The following STK26 variants were observed in gnomAD, a reference collection of about 807,000 sequenced individuals.
The protein encoded by STK26 is serine/threonine kinase 26, also known as serine/threonine-protein kinase 26.
A neutral mutation model predicts 34.7 loss-of-function variants in STK26; 14 were observed. The observed-to-expected ratio is 0.40, with a 90% CI of 0.27 to 0.63. The LOEUF (loss-of-function observed/expected upper bound fraction) is 0.63. Ranked by LOEUF, STK26 falls within the 30% of genes least tolerant of loss-of-function variation. STK26 has a pLI of 0.38. For missense variants in STK26, 226 were observed against 309.1 expected (o/e 0.73, Z 2.02); for synonymous variants, 100 against 109.8 (o/e 0.91, Z 0.56).
chrX:132,037,809 A>C (rs1312638048), intron 2 of STK26, among the ~76,000 whole-genome samples: 1 of 70,946 alleles, frequency 1.4e-5, no homozygotes, highest in South Asian at 6.1e-4. Context: ...TTATCTCTTC[A>C]TGAAAAATGG....
chrX:132,072,411 T>G (rs1269822513), intron 9 of STK26, 50 bp downstream of exon 9: 2 of 1,026,233 alleles, frequency 1.9e-6, no homozygotes, highest in Admixed American at 2.3e-5. Flanking sequence ...TTTCAAACCA[T>G]GTAGTGAGAT....
At position 132,054,721 on chromosome X, in the gene STK26, C is replaced by T. The variant is rs56044451; in HGVS notation, c.133C>T (p.Arg45Cys). 5.5e-3 allele frequency: 6,617 copies of T among 1,209,396 alleles called. 14 individuals are homozygous for T. Among genetic ancestry groups the T allele is most frequent in the Middle Eastern group, 0.016 (69 of 4,353 alleles). Residue 45 changes from arginine to cysteine, a missense_variant, in exon 3 of 12, where the codon CGT (arginine) becomes TGT (cysteine). Arg to Cys is a radical substitution (Grantham distance 180). Coordinates refer to ENST00000394334, the MANE Select transcript of STK26 (RefSeq NM_016542.4). ...GGAAGTTTTCAAAGGAATTGATAAC[C>T]GTACCCAGCAAGTCGTTGCTATTAA... ...FGEVFKGIDN[R>C]TQQVVAIKII...
intron 2 of STK26, among the ~76,000 whole-genome samples, chrX:132,042,441 G>A (rs1010109096): frequency 4.5e-5 from 5 of 110,856 alleles, no homozygotes; most frequent in Non-Finnish European, 9.5e-5. Context: ...GTATCGTGGT[G>A]TACAGTATGG....
chrX:132,054,163 G>A (rs1367197888), intron 2 of STK26, among the ~76,000 whole-genome samples: 1 of 112,107 alleles, frequency 8.9e-6, no homozygotes, highest in African/African-American at 3.2e-5. Flanking sequence ...TTTAGATGGC[G>A]GTTTGGAAGT....
At position 132,034,399 on chromosome X, in the gene STK26, C is replaced by T. The variant is rs543097245; in HGVS notation, c.42+10740C>T. ...TCGGCTCACTGCAAGCTCCGCCTCC[C>T]GGGTTCACGCCATTCTCCTGCCTCA... is the stretch of plus-strand genomic sequence containing the variant. On this transcript the variant is annotated intron_variant, in intron 2 of 11. Transcript: ENST00000394334. Among the ~76,000 whole-genome samples the T allele has an allele frequency of 4.7e-4, 48 of 101,716 alleles. 1 individual carries two copies. In the South Asian group the frequency reaches 0.022, roughly 47 times the overall value. 88.3% of individuals were successfully genotyped at this position (101,716 alleles called of 115,157 possible).
At chrX:132,053,043 A>G (rs1239829805) in intron 2 of STK26, among the ~76,000 whole-genome samples, 2 of 111,888 alleles carry the variant, frequency 1.8e-5, no homozygotes, top group Non-Finnish European at 3.8e-5. Context: ...GTAAAAGAGG[A>G]CACCAAGGAA....
chrX:132,024,892 C>T (rs1602737025), intron 2 of STK26, among the ~76,000 whole-genome samples: 1 of 107,386 alleles, frequency 9.3e-6, no homozygotes, highest in Non-Finnish European at 1.9e-5. Flanking sequence ...GCATTTAGGG[C>T]AAGTCTGGGT....
intron 7 of STK26, among the ~76,000 whole-genome samples, chrX:132,070,801 T>C (rs5933060): frequency 0.33 from 37,325 of 112,011 alleles, 4,876 homozygotes; most frequent in African/African-American, 0.44. Flanking sequence ...GAGAAGGCCC[T>C]GCCTGCCAGT....
In STK26 at chrX:132,068,488, A is replaced by T; in HGVS notation, c.516A>T (p.Thr172=). The T allele has an allele frequency of 1.7e-6, 2 of 1,211,005 alleles. No individual in the cohort carries two copies. The highest frequency in any genetic ancestry group is 2.2e-6 in the Non-Finnish European group (2 of 895,080). Residue 172 remains threonine, a synonymous_variant, in exon 6 of 12, where the codon ACA becomes ACT. Coordinates refer to ENST00000394334, the MANE Select transcript of STK26 (RefSeq NM_016542.4). ...GAGTTGCTGGTCAGCTGACAGATAC[A>T]CAGATTAAAAGAAATACCTTTGTGG... ...DFGVAGQLTD[T]QIKRNTFVGT...
Position 132,031,981 on chromosome X carries a change from C to T in STK26, c.42+8322C>T, listed in dbSNP as rs769534922. 1.3e-4 allele frequency among the ~76,000 whole-genome samples: 15 copies of T among 111,285 alleles called. No homozygotes were observed. In the South Asian group the frequency reaches 1.5e-3, roughly 11 times the overall value. The stretch of plus-strand genomic sequence containing the variant: ...CATATGACTTAGGAAAATCACCTGA[C>T]GCGAACATTCAGAGAAACCAGAAAA... On this transcript the variant is annotated intron_variant, in intron 2 of 11. Transcript: ENST00000394334.
chrX:132,074,193 C>G lies in STK26; in HGVS notation c.*34C>G. On this transcript the variant is annotated 3_prime_UTR_variant, in exon 12 of 12. Transcript: ENST00000394334. Reference sequence around the variant, plus strand: ...TTATTGGCTTCTGTTTCATATGGACCCAGAGAGCCCCACCAAACCTACGTC... The same window carrying G: ...TTATTGGCTTCTGTTTCATATGGACGCAGAGAGCCCCACCAAACCTACGTC... 1 of 1,180,391 alleles carries G rather than the reference C, an allele frequency of 8.5e-7. No individual in the cohort carries two copies. The highest frequency in any genetic ancestry group is 1.1e-6 in the Non-Finnish European group (1 of 874,307).
At chrX:132,054,609 T>C in intron 2 of STK26, 22 bp from the exon 3 acceptor site, 1 of 1,152,199 alleles carries the variant, frequency 8.7e-7, no homozygotes, top group Non-Finnish European at 1.2e-6. Flanking sequence ...TCTTTCTTTT[T>C]CTCGTTCCCC....
At chrX:132,025,285 G>T (rs750943878) in intron 2 of STK26, among the ~76,000 whole-genome samples, 10 of 112,004 alleles carry the variant, frequency 8.9e-5, no homozygotes, top group Non-Finnish European at 1.7e-4. Flanking sequence ...GTGTGCGCGA[G>T]CCTGCGTGTG....
At chrX:132,063,229 C>T (rs1927115431) in intron 3 of STK26, among the ~76,000 whole-genome samples, 1 of 111,244 alleles carries the variant, frequency 9.0e-6, no homozygotes, top group African/African-American at 3.3e-5. Flanking sequence ...ACCAACTCCC[C>T]CTCCCTACTA....
At chrX:132,046,509 G>A (rs889346962) in intron 2 of STK26, among the ~76,000 whole-genome samples, 4 of 111,416 alleles carry the variant, frequency 3.6e-5, no homozygotes, top group Non-Finnish European at 5.7e-5. Flanking sequence ...TTAAAAATAA[G>A]AATAATAAAA....
intron 2 of STK26, among the ~76,000 whole-genome samples, chrX:132,047,774 T>A (rs1393305492): frequency 8.9e-6 from 1 of 112,135 alleles, no homozygotes; most frequent in Non-Finnish European, 1.9e-5. Context: ...TGCATAGTGG[T>A]TCAACAATTA....
chrX:132,031,500 G>T (rs1925837063), intron 2 of STK26, among the ~76,000 whole-genome samples: 1 of 111,823 alleles, frequency 8.9e-6, no homozygotes, highest in Non-Finnish European at 1.9e-5. Context: ...TCCCTTCTCA[G>T]CCTCTAATAC....
At chrX:132,037,637 T>C (rs753152403) in intron 2 of STK26, among the ~76,000 whole-genome samples, 2 of 110,852 alleles carry the variant, frequency 1.8e-5, no homozygotes, top group Non-Finnish European at 3.8e-5. Flanking sequence ...GTCATCATTG[T>C]CTAAGCTCTT....
chrX:132,052,888 A>G (rs1421370397), intron 2 of STK26, among the ~76,000 whole-genome samples: 2 of 112,096 alleles, frequency 1.8e-5, no homozygotes, highest in African/African-American at 6.5e-5. Flanking sequence ...AGGAAGTTAT[A>G]AGGAGGTGAA....
Sources: allele counts gnomAD v4.1 joint callset (sites outside exome capture counted in the v4.1 genomes callset), GRCh38; gene constraint gnomAD v4.1.1; transcripts MANE v1.5; gene names NCBI Gene and HGNC (gene_info 2026-07-23, HGNC 2026-07-21).